RUVBL1: variants seen among roughly 807,000 people sequenced by gnomAD.
RUVBL1 encodes the protein ruvB-like 1.
RUVBL1 carries 4 observed loss-of-function variants against 52.4 expected under a neutral mutation model. The observed-to-expected ratio is 0.08, with a 90% CI of 0.04 to 0.17. The LOEUF (loss-of-function observed/expected upper bound fraction) is 0.17. Among genes scored for constraint, RUVBL1 ranks in the 10% least tolerant of loss-of-function variants. The pLI, the probability that RUVBL1 is intolerant of heterozygous loss-of-function variation, is 1.00. For synonymous variants in RUVBL1, 217 were observed against 214.4 expected, an observed-to-expected ratio of 1.01 and a Z score of -0.10; for missense variants, 298 against 572.8, an observed-to-expected ratio of 0.52 and a Z score of 4.90.
chr3:128,115,313 G>A (rs1182390502), intron 2 of RUVBL1, among the ~76,000 whole-genome samples: 3 of 152,176 alleles, frequency 2.0e-5, no homozygotes, highest in Non-Finnish European at 2.9e-5. Flanking sequence ...CAAAAAAGAG[G>A]TTGTTGCCAA....
chr3:128,121,904 G>T (rs1943659446), intron 1 of RUVBL1, among the ~76,000 whole-genome samples: 1 of 152,082 alleles, frequency 6.6e-6, no homozygotes, highest in South Asian at 2.1e-4. Flanking sequence ...CTACTCTCAG[G>T]TGAGATAAGC....
At chr3:128,137,699 T>TA (rs1428229335) in intron 1 of RUVBL1, among the ~76,000 whole-genome samples, 2 of 152,182 alleles carry the variant, frequency 1.3e-5, no homozygotes, top group Non-Finnish European at 2.9e-5. Context: ...AGGTCAGTGT[T>TA]ACCCTGATAC....
At chr3:128,129,874 A>G (rs894803436) in intron 1 of RUVBL1, among the ~76,000 whole-genome samples, 4 of 152,144 alleles carry the variant, frequency 2.6e-5, no homozygotes, top group African/African-American at 9.7e-5. Flanking sequence ...AAAAATAGAG[A>G]GCTAATTCAA....
At chr3:128,069,885 C>T (rs1942105294) in intron 9 of RUVBL1, 7 of 541,248 alleles carry the variant, frequency 1.3e-5, no homozygotes, top group Middle Eastern at 4.9e-4. Context: ...TTTATTCAGC[C>T]GACTGCCAGA....
At chr3:128,088,197 T>C (rs1039738561) in intron 8 of RUVBL1, among the ~76,000 whole-genome samples, 6 of 150,948 alleles carry the variant, frequency 4.0e-5, no homozygotes, top group South Asian at 2.1e-4. Context: ...GTGAGGCAGA[T>C]GTTGCAGTGA....
chr3:128,104,538 T>C (rs764460634), intron 4 of RUVBL1, among the ~76,000 whole-genome samples: 38 of 152,324 alleles, frequency 2.5e-4, no homozygotes, highest in Admixed American at 7.2e-4. Flanking sequence ...CATTTTAACA[T>C]GCAGAGTTTC....
intron 2 of RUVBL1, among the ~76,000 whole-genome samples, chr3:128,117,983 C>T (rs929945241): frequency 4.6e-5 from 7 of 152,120 alleles, no homozygotes; most frequent in Non-Finnish European, 8.8e-5. Context: ...AAATATCTGT[C>T]AACTGAATTA....
chr3:128,112,263 C>T (rs1052720077), intron 3 of RUVBL1, among the ~76,000 whole-genome samples: 3 of 152,262 alleles, frequency 2.0e-5, no homozygotes, highest in Non-Finnish European at 2.9e-5. Context: ...CAAACTACTT[C>T]TGCCACTTAC....
rs777452094 is a variant in RUVBL1 at position 128,123,685 on chromosome 3, G to A, written c.40C>T (p.Arg14Cys). Residue 14 changes from arginine to cysteine, a missense_variant, in exon 1 of 11, where the codon CGC becomes TGC. Arg to Cys is a radical substitution (Grantham distance 180). This residue lies in a region of RUVBL1 where 71 missense variants were observed against 125.7 expected (regional missense o/e 0.57). Transcript: ENST00000322623. Reference sequence around the variant, plus strand: ...TTCACGTGGCTGTGGGAGGCGATGCGCTGCGTCTTCGTAGTGCTCTTCACC... The same window carrying A: ...TTCACGTGGCTGTGGGAGGCGATGCACTGCGTCTTCGTAGTGCTCTTCACC... ...EEVKSTTKTQ[R>C]IASHSHVKGL... 1 of 1,611,850 alleles carries A rather than the reference G, an allele frequency of 6.2e-7. No individual in the cohort carries two copies. The highest frequency in any genetic ancestry group is 1.3e-5 in the African/African-American group (1 of 75,024).
At position 128,067,136 on chromosome 3, in the gene RUVBL1, G is replaced by T. The variant is rs149610346; in HGVS notation, c.940-1916C>A. 362 of 1,614,100 alleles carry T rather than the reference G, an allele frequency of 2.2e-4. No homozygotes were observed. The highest frequency in any genetic ancestry group is 2.9e-4 in the Non-Finnish European group (347 of 1,180,048). On this transcript the variant is annotated intron_variant, in intron 9 of 9. Transcript: ENST00000464873. The surrounding 1 kb of genome is among the most constrained non-coding windows in gnomAD (Gnocchi z 4.1). ...TCAGTGGCAACTTGCTGGTCAGCCTGCTGGGCACCTGGTCGGTAAGTAGGC... is the reference window on the plus strand; with the variant it reads ...TCAGTGGCAACTTGCTGGTCAGCCTTCTGGGCACCTGGTCGGTAAGTAGGC...
chr3:128,127,166 A>C (rs1258741809), upstream of RUVBL1, among the ~76,000 whole-genome samples: 2 of 152,342 alleles, frequency 1.3e-5, no homozygotes, highest in Non-Finnish European at 2.9e-5. Context: ...AGCTGACAGA[A>C]AGAGATTCCC....
intron 1 of RUVBL1, among the ~76,000 whole-genome samples, chr3:128,150,864 T>TTC (rs1559841530): frequency 0.05 from 3,608 of 71,812 alleles, 210 homozygotes; most frequent in African/African-American, 0.084. Context: ...ATATTATATA[T>TTC]TATATATATA....
intron 1 of RUVBL1, among the ~76,000 whole-genome samples, chr3:128,135,634 A>T (rs1456699442): frequency 6.6e-6 from 1 of 152,220 alleles, no homozygotes; most frequent in Non-Finnish European, 1.5e-5. Context: ...AGAAATAAAG[A>T]CTTTCTTAGA....
intron 2 of RUVBL1, among the ~76,000 whole-genome samples, chr3:128,117,001 G>A (rs1031401439): frequency 4.5e-4 from 68 of 152,178 alleles, no homozygotes; most frequent in African/African-American, 1.4e-3. Flanking sequence ...TTACTGTCAA[G>A]TGGTTCAGAA....
Position 128,098,899 on chromosome 3 carries a change from T to C in RUVBL1, c.800A>G (p.Lys267Arg), listed in dbSNP as rs754065923. 6.2e-7 allele frequency: 1 copy of C among 1,614,106 alleles called. No individual in the cohort carries two copies. The highest frequency in any genetic ancestry group is 8.5e-7 in the Non-Finnish European group (1 of 1,179,978). Reference protein sequence around the residue: ...LSMMGQLMKPKKTEITDKLRG... With the variant: ...LSMMGQLMKPRKTEITDKLRG... ...TCTCCTACCTGTGATTTCTGTCTTC[T>C]TTGGCTTCATTAGCTGGCCCATCAT... Residue 267 changes from lysine to arginine, a missense_variant, in exon 7 of 11, where the codon AAG (lysine) becomes AGG (arginine). Transcript: ENST00000322623.
At position 128,100,736 on chromosome 3, in the gene RUVBL1, G is replaced by A; in HGVS notation, c.612C>T (p.Gly204=). ...ATTCTGTGGCATAGGTATCACACCT[G>A]CCCTGCCTCTGCAAAAAGAGAGAAA... ...EANSGAVKRQ[G]RCDTYATEFD... Residue 204 remains glycine (G), a synonymous_variant, in exon 6 of 11, where the codon GGC becomes GGT. Transcript: ENST00000322623. 1 of 1,613,392 alleles carries A rather than the reference G, an allele frequency of 6.2e-7. No homozygotes were observed. The highest frequency in any genetic ancestry group is 8.5e-7 in the Non-Finnish European group (1 of 1,179,842).
downstream of RUVBL1, among the ~76,000 whole-genome samples, chr3:128,079,759 C>T (rs1044094404): frequency 6.6e-6 from 1 of 152,204 alleles, no homozygotes; most frequent in African/African-American, 2.4e-5. Context: ...GCATCATCTC[C>T]GCCCCCTCCC....
chr3:128,099,057 C>T, intron 6 of RUVBL1, 112 bp from the exon 7 acceptor site: 1 of 869,144 alleles, frequency 1.2e-6, no homozygotes, highest in African/African-American at 1.7e-5. Flanking sequence ...TATGGAGACC[C>T]CTCCTCAAAG....
chr3:128,066,646 ACTT>A (rs1941989665), intron 9 of RUVBL1: 2 of 387,746 alleles, frequency 5.2e-6, no homozygotes, highest in Admixed American at 8.4e-5. Context: ...CTGGTATCGA[ACTT>A]CTGGGCTCAA....
Sources: gnomAD v4.1 joint callset for allele counts (sites outside exome capture counted in the v4.1 genomes callset) on GRCh38, gnomAD v4.1.1 for gene constraint, gnomAD v4.1.1 regional missense constraint, Gnocchi (gnomAD v3.1) non-coding constraint, MANE v1.5 for transcripts, NCBI Gene and HGNC (gene_info 2026-07-23, HGNC 2026-07-21) for gene names.